The following OPCML variants were observed in gnomAD, a reference collection of about 807,000 sequenced individuals.
OPCML encodes opioid-binding protein/cell adhesion molecule.
A neutral mutation model predicts 37.8 loss-of-function variants in OPCML; 13 were observed. That is an observed-to-expected ratio of 0.34 (90% CI 0.22 to 0.55). OPCML has a LOEUF of 0.55. Among genes scored for constraint, OPCML ranks in the 20% least tolerant of loss-of-function variants. The probability of loss-of-function intolerance (pLI) is 0.91; values close to 1 mark genes in which losing one functional copy is unlikely to be tolerated. For missense variants in OPCML, 341 were observed against 435.6 expected, an observed-to-expected ratio of 0.78 and a Z score of 1.93; for synonymous variants, 176 against 168.8, an observed-to-expected ratio of 1.04 and a Z score of -0.33.
At chr11:133,007,271 T>C in intron 1 of OPCML, 1 of 984,918 alleles carries the variant, frequency 1.0e-6, no homozygotes, top group Non-Finnish European at 1.2e-6. Flanking sequence ...TCAAAATAAC[T>C]GAGCTATTTA....
intron 7 of OPCML, among the ~76,000 whole-genome samples, chr11:132,431,041 T>G (rs1416755650): frequency 6.6e-6 from 1 of 152,174 alleles, no homozygotes; most frequent in Non-Finnish European, 1.5e-5. Flanking sequence ...CCTGCTGTAC[T>G]TAGGCCTGGC....
intron 4 of OPCML, among the ~76,000 whole-genome samples, chr11:132,464,148 T>G (rs1049865370): frequency 5.3e-5 from 8 of 152,140 alleles, no homozygotes; most frequent in Non-Finnish European, 1.2e-4. Context: ...AAGATTTCCC[T>G]CCAAAGGCCT....
chr11:132,736,734 C>T (rs574542735), intron 2 of OPCML, among the ~76,000 whole-genome samples: 14 of 152,234 alleles, frequency 9.2e-5, no homozygotes, highest in African/African-American at 3.1e-4. Context: ...GCCAAATTAC[C>T]AAGGCACTAG....
intron 1 of OPCML, among the ~76,000 whole-genome samples, chr11:133,447,630 T>C (rs995056734): frequency 6.6e-6 from 1 of 152,252 alleles, no homozygotes; most frequent in South Asian, 2.1e-4. Flanking sequence ...TATTTAACTT[T>C]CTGTTCCTGC....
intron 1 of OPCML, among the ~76,000 whole-genome samples, chr11:133,246,740 G>A (rs903655345): frequency 2.6e-5 from 4 of 152,180 alleles, no homozygotes; most frequent in East Asian, 1.9e-4. Context: ...AATTATAATT[G>A]TGTTATAGAA....
In OPCML at chr11:132,886,932, G is replaced by A. The variant is rs558054999; in HGVS notation, c.146+55994C>T. 4.6e-5 allele frequency among the ~76,000 whole-genome samples: 7 copies of A among 152,254 alleles called. No homozygotes were observed. The East Asian group carries it at 1.4e-3, about 29-fold the overall frequency. On this transcript the variant is annotated intron_variant, in intron 2 of 7. Coordinates refer to ENST00000524381, the MANE Select transcript of OPCML (RefSeq NM_001012393.5). ...CCAGTGGCTCACTACAGTGGAAAGA[G>A]CACTAGCCCCATGGAGAGCACATTG...
chr11:133,429,766 C>T (rs1946079862), intron 1 of OPCML, among the ~76,000 whole-genome samples: 1 of 151,966 alleles, frequency 6.6e-6, no homozygotes, highest in African/African-American at 2.4e-5. Context: ...GATGACCTCA[C>T]AAAAAGCGGC....
chr11:132,431,054 G>A (rs1437865075), intron 7 of OPCML, among the ~76,000 whole-genome samples: 2 of 152,222 alleles, frequency 1.3e-5, no homozygotes, highest in Admixed American at 6.5e-5. Context: ...GGCCTGGCAA[G>A]ACTTCGAGGT....
chr11:133,027,647 G>C (rs1188326455), intron 1 of OPCML, among the ~76,000 whole-genome samples: 1 of 146,142 alleles, frequency 6.8e-6, no homozygotes, highest in Non-Finnish European at 1.5e-5. Context: ...TGTATAATGT[G>C]ATGCATGTGT....
At chr11:133,268,264 C>T (rs765631176) in intron 1 of OPCML, among the ~76,000 whole-genome samples, 10 of 152,190 alleles carry the variant, frequency 6.6e-5, no homozygotes, top group Non-Finnish European at 1.2e-4. Flanking sequence ...AAACATGTGT[C>T]ATCTCATGCA....
chr11:132,781,100 GA>G (rs1052500318), intron 2 of OPCML, among the ~76,000 whole-genome samples: 2 of 151,980 alleles, frequency 1.3e-5, no homozygotes, highest in African/African-American at 4.8e-5. Flanking sequence ...GCCCAAGAAG[GA>G]CTGGGAAAGA....
At chr11:133,498,046 G>A (rs1947822969) in intron 1 of OPCML, among the ~76,000 whole-genome samples, 1 of 152,166 alleles carries the variant, frequency 6.6e-6, no homozygotes, top group Non-Finnish European at 1.5e-5. Flanking sequence ...TAAATTACAG[G>A]CCAGGCTGTG....
At chr11:132,615,570 T>G (rs1245995998) in intron 3 of OPCML, among the ~76,000 whole-genome samples, 1 of 152,182 alleles carries the variant, frequency 6.6e-6, no homozygotes, top group African/African-American at 2.4e-5. Context: ...ACTATCTATG[T>G]AGCATTTACA....
At chr11:132,486,186 A>T (rs1413374414) in intron 4 of OPCML, among the ~76,000 whole-genome samples, 1 of 152,168 alleles carries the variant, frequency 6.6e-6, no homozygotes, top group East Asian at 1.9e-4. Flanking sequence ...TGTCTCATAC[A>T]ATTGTGTGGG....
intron 1 of OPCML, among the ~76,000 whole-genome samples, chr11:133,402,048 T>A (rs1478758907): frequency 6.6e-6 from 1 of 152,170 alleles, no homozygotes; most frequent in Non-Finnish European, 1.5e-5. Flanking sequence ...TGTATCTTAG[T>A]CCATTTTGTG....
intron 2 of OPCML, among the ~76,000 whole-genome samples, chr11:132,658,021 C>T (rs1038417529): frequency 3.9e-5 from 6 of 152,218 alleles, no homozygotes; most frequent in Non-Finnish European, 7.3e-5. Flanking sequence ...CTGTGCAACA[C>T]CTCTCACCTA....
intron 1 of OPCML, among the ~76,000 whole-genome samples, chr11:132,974,529 T>C (rs1946413457): frequency 6.6e-6 from 1 of 152,088 alleles, no homozygotes; most frequent in African/African-American, 2.4e-5. Flanking sequence ...TGTGGAAAAA[T>C]AGGAACGCTT....
rs1454741071 is a variant in OPCML at position 132,688,963 on chromosome 11, A to AT, written c.147-31645_147-31644insA. 1.4e-4 allele frequency among the ~76,000 whole-genome samples: 4 copies of AT among 28,124 alleles called. 1 individual carries two copies. The highest frequency in any genetic ancestry group is 2.5e-4 in the Non-Finnish European group (4 of 15,866). The allele number at this position is 28,124 out of a possible 152,430, so 18.5% of individuals were successfully genotyped here. ...CAGAGCGAGACTCCGTCTCAAAAAAAAAAAAAAAAAAAAAAAAAAAATAGA... is the reference window on the plus strand; with the variant it reads ...CAGAGCGAGACTCCGTCTCAAAAAAATAAAAAAAAAAAAAAAAAAAAATAGA... On this transcript the variant is annotated intron_variant, in intron 2 of 7. Transcript: ENST00000524381.
chr11:133,329,156 A>G (rs1188347170), intron 1 of OPCML, among the ~76,000 whole-genome samples: 2 of 152,214 alleles, frequency 1.3e-5, no homozygotes, highest in Admixed American at 6.5e-5. Flanking sequence ...AAGGAGAACT[A>G]CAAACCACTG....
Sources: gnomAD v4.1 joint callset for allele counts (sites outside exome capture counted in the v4.1 genomes callset) on GRCh38, gnomAD v4.1.1 for gene constraint, MANE v1.5 for transcripts, NCBI Gene and HGNC (gene_info 2026-07-23, HGNC 2026-07-21) for gene names.